RIT2: variants seen among roughly 807,000 people sequenced by gnomAD.
The protein encoded by RIT2 is GTP-binding protein Rit2.
In RIT2, 24 loss-of-function variants were observed where a neutral mutation model predicts 23.7. That is an observed-to-expected ratio of 1.01 (90% CI 0.73 to 1.43). The LOEUF (loss-of-function observed/expected upper bound fraction) is 1.43. Among genes scored for constraint, RIT2 ranks in the 40% most tolerant of loss-of-function variants. RIT2 has a pLI of 0.00. For synonymous variants in RIT2, 107 were observed against 91.1 expected (o/e 1.17, Z -0.99); for missense variants, 236 against 266.9 (o/e 0.88, Z 0.81).
chr18:42,979,206 T>A (rs553891507), intron 2 of RIT2, among the ~76,000 whole-genome samples: 9 of 152,222 alleles, frequency 5.9e-5, no homozygotes, highest in South Asian at 4.1e-4. Flanking sequence ...GCAGCTAATG[T>A]ATTTTTTTCA....
At chr18:43,045,170 A>T (rs1912217333) in intron 1 of RIT2, among the ~76,000 whole-genome samples, 1 of 152,184 alleles carries the variant, frequency 6.6e-6, no homozygotes, top group African/African-American at 2.4e-5. Context: ...CTGTGCCAAC[A>T]TACGTAAATA....
intron 1 of RIT2, among the ~76,000 whole-genome samples, chr18:43,106,139 T>C (rs1457427530): frequency 2.0e-5 from 3 of 152,210 alleles, no homozygotes; most frequent in Non-Finnish European, 4.4e-5. Context: ...TTAACATATT[T>C]AGTGCATTTT....
intron 4 of RIT2, among the ~76,000 whole-genome samples, chr18:42,748,474 C>A (rs760407645): frequency 6.6e-6 from 1 of 151,922 alleles, no homozygotes; most frequent in Non-Finnish European, 1.5e-5. Context: ...AAAGGGTACA[C>A]TTTTACACTG....
intron 2 of RIT2, among the ~76,000 whole-genome samples, chr18:43,027,848 A>T (rs1001956764): frequency 1.3e-5 from 2 of 152,132 alleles, no homozygotes; most frequent in African/African-American, 4.8e-5. Context: ...TTAGCTTACC[A>T]CATCGAATGA....
intron 2 of RIT2, among the ~76,000 whole-genome samples, chr18:43,018,171 A>G (rs1911516595): frequency 6.6e-6 from 1 of 151,974 alleles, no homozygotes; most frequent in African/African-American, 2.4e-5. Context: ...TTTCCCTCAC[A>G]CTGCCCCTAA....
At chr18:42,836,950 C>G (rs900619902) in intron 4 of RIT2, among the ~76,000 whole-genome samples, 1 of 151,996 alleles carries the variant, frequency 6.6e-6, no homozygotes, top group African/African-American at 2.4e-5. Context: ...GACAGACACA[C>G]TGGGTTCACT....
chr18:43,016,730 A>C (rs2144260806), intron 2 of RIT2, among the ~76,000 whole-genome samples: 1 of 152,012 alleles, frequency 6.6e-6, no homozygotes, highest in African/African-American at 2.4e-5. Flanking sequence ...GAAAATTGAC[A>C]TATTCAATTT....
At chr18:42,948,615 A>C (rs1419573231) in intron 3 of RIT2, among the ~76,000 whole-genome samples, 1 of 152,110 alleles carries the variant, frequency 6.6e-6, no homozygotes, top group East Asian at 1.9e-4. Context: ...AGTTTGCCCA[A>C]GGAGTCCTAG....
intron 2 of RIT2, among the ~76,000 whole-genome samples, chr18:43,024,258 C>G (rs1057032427): frequency 1.3e-5 from 2 of 151,914 alleles, no homozygotes; most frequent in African/African-American, 4.8e-5. Context: ...AGCCACACAC[C>G]TACAGCCAAC....
intron 2 of RIT2, among the ~76,000 whole-genome samples, chr18:43,027,921 A>T (rs1244259716): frequency 1.3e-5 from 2 of 152,158 alleles, no homozygotes; most frequent in East Asian, 1.9e-4. Flanking sequence ...AGGGGAAAAA[A>T]ATGTCACTGA....
At chr18:42,838,193 G>A (rs1906668171) in intron 4 of RIT2, among the ~76,000 whole-genome samples, 1 of 152,044 alleles carries the variant, frequency 6.6e-6, no homozygotes, top group African/African-American at 2.4e-5. Context: ...CAAAGGCAGA[G>A]TTTGTGCATA....
chr18:43,080,272 A>G (rs1030712672), intron 1 of RIT2, among the ~76,000 whole-genome samples: 9 of 152,218 alleles, frequency 5.9e-5, no homozygotes, highest in African/African-American at 1.9e-4. Flanking sequence ...TCCCATTCTA[A>G]TGATGAGAAA....
chr18:42,761,665 C>T (rs144898640), intron 4 of RIT2, among the ~76,000 whole-genome samples: 197 of 152,152 alleles, frequency 1.3e-3, no homozygotes, highest in Middle Eastern at 0.01. Context: ...CCTGAACTTG[C>T]TCTTATTTTT....
intron 4 of RIT2, among the ~76,000 whole-genome samples, chr18:42,898,081 G>T (rs1185285687): frequency 1.3e-5 from 2 of 152,128 alleles, no homozygotes; most frequent in Non-Finnish European, 2.9e-5. Context: ...TGCTTTGTAG[G>T]CTCCCTAACT....
Position 42,782,880 on chromosome 18 carries a change from G to A in RIT2, c.427-39160C>T, listed in dbSNP as rs77702406. Among the ~76,000 whole-genome samples the A allele has an allele frequency of 3.0e-3, 455 of 152,118 alleles. 1 individual carries two copies. Among genetic ancestry groups the A allele is most frequent in the Non-Finnish European group, 4.0e-3 (270 of 67,990 alleles). On this transcript the variant is annotated intron_variant, in intron 4 of 4. Coordinates refer to ENST00000326695, the MANE Select transcript of RIT2 (RefSeq NM_002930.4). The stretch of plus-strand genomic sequence containing the variant: ...AATTTTAAGTTAAGTGCCAGAGACA[G>A]GCAAAGAACAAGCAAGATCATTACT...
intron 2 of RIT2, among the ~76,000 whole-genome samples, chr18:43,016,948 C>G (rs1432458779): frequency 1.3e-5 from 2 of 151,850 alleles, no homozygotes; most frequent in African/African-American, 2.4e-5. Flanking sequence ...TCTGCCATGG[C>G]TAATAACAAA....
At chr18:42,971,387 C>A (rs1435133621) in intron 3 of RIT2, among the ~76,000 whole-genome samples, 1 of 151,964 alleles carries the variant, frequency 6.6e-6, no homozygotes, top group Non-Finnish European at 1.5e-5. Context: ...TTGATATGAA[C>A]ATTTAATAGC....
chr18:42,895,660 A>G (rs915235735), intron 4 of RIT2, among the ~76,000 whole-genome samples: 2 of 152,192 alleles, frequency 1.3e-5, no homozygotes, highest in African/African-American at 4.8e-5. Flanking sequence ...GTGAAATTCA[A>G]GAAAACTGGA....
chr18:42,930,153 C>T (rs12185395), intron 3 of RIT2, among the ~76,000 whole-genome samples: 59,366 of 151,764 alleles, frequency 0.39, 14,817 homozygotes, highest in Non-Finnish European at 0.56. Flanking sequence ...GGGTTTGATG[C>T]AATAGGAAAC....
Sources: allele counts gnomAD v4.1 joint callset (sites outside exome capture counted in the v4.1 genomes callset), GRCh38; gene constraint gnomAD v4.1.1; transcripts MANE v1.5; gene names NCBI Gene and HGNC (gene_info 2026-07-23, HGNC 2026-07-21).